Variants in FTO observed in about 807,000 individuals in gnomAD.
FTO encodes FTO alpha-ketoglutarate dependent dioxygenase, also known as alpha-ketoglutarate-dependent dioxygenase FTO.
In FTO, 47 loss-of-function variants were observed where a neutral mutation model predicts 63.9. The observed-to-expected ratio is 0.74, with a 90% confidence interval of 0.58 to 0.94. The LOEUF (loss-of-function observed/expected upper bound fraction) is 0.94. Ranked by LOEUF, FTO falls within the 40% of genes least tolerant of loss-of-function variation. FTO has a pLI of 0.00. For synonymous variants in FTO, 207 were observed against 224.4 expected (o/e 0.92, Z 0.69); for missense variants, 562 against 618.1 (o/e 0.91, Z 0.96).
intron 8 of FTO, among the ~76,000 whole-genome samples, chr16:54,054,037 TTCTG>T (rs1445006876): frequency 6.6e-6 from 1 of 152,074 alleles, no homozygotes; most frequent in Non-Finnish European, 1.5e-5. Flanking sequence ...CTTGAACACT[TTCTG>T]CAGTTTAGTT....
chr16:54,061,607 G>GTGTGTGTT (rs2085576052), intron 8 of FTO: 1 of 84,148 alleles, frequency 1.2e-5, no homozygotes, highest in African/African-American at 1.4e-4. Flanking sequence ...ATGTGTGTTT[G>GTGTGTGTT]TGTGTGTGTG....
At chr16:53,704,137 C>T (rs1407403652), upstream of FTO, 2 of 1,541,008 alleles carry the variant, frequency 1.3e-6, no homozygotes, top group Admixed American at 3.9e-5. Flanking sequence ...GGGTCCAGGG[C>T]GAGGGATCTA....
At chr16:54,096,903 T>G (rs2086527108) in intron 8 of FTO, among the ~76,000 whole-genome samples, 1 of 152,148 alleles carries the variant, frequency 6.6e-6, no homozygotes, top group Non-Finnish European at 1.5e-5. Context: ...GACACAGACA[T>G]TTAGTCCGTA....
chr16:53,915,906 C>T (rs903504214), intron 7 of FTO, among the ~76,000 whole-genome samples: 2 of 152,204 alleles, frequency 1.3e-5, no homozygotes, highest in African/African-American at 4.8e-5. Flanking sequence ...AAGCATAAAA[C>T]TATTCTGGAT....
chr16:53,990,507 G>A (rs937253302), intron 8 of FTO, among the ~76,000 whole-genome samples: 1 of 152,098 alleles, frequency 6.6e-6, no homozygotes, highest in Non-Finnish European at 1.5e-5. Context: ...GTCTTCTGGT[G>A]CTGTTACTTT....
intron 5 of FTO, among the ~76,000 whole-genome samples, chr16:53,878,568 T>C (rs964984861): frequency 6.6e-6 from 1 of 152,218 alleles, no homozygotes; most frequent in African/African-American, 2.4e-5. Flanking sequence ...AGGATTAGCC[T>C]TCAAGGTTAT....
At chr16:54,086,977 C>G (rs755079779) in intron 8 of FTO, among the ~76,000 whole-genome samples, 5 of 152,192 alleles carry the variant, frequency 3.3e-5, no homozygotes, top group African/African-American at 4.8e-5. Context: ...CCATTGCTTT[C>G]TCTTGGACTT....
At chr16:53,911,020 T>C (rs775333293) in intron 7 of FTO, among the ~76,000 whole-genome samples, 4 of 152,186 alleles carry the variant, frequency 2.6e-5, no homozygotes, top group Non-Finnish European at 5.9e-5. Flanking sequence ...GAGCAGCCGG[T>C]ATACCGAACA....
intron 1 of FTO, among the ~76,000 whole-genome samples, chr16:53,747,549 A>G (rs1039635860): frequency 6.6e-6 from 1 of 152,042 alleles, no homozygotes; most frequent in African/African-American, 2.4e-5. Context: ...TTTTTAATGT[A>G]GAGGTATTTG....
intron 8 of FTO, among the ~76,000 whole-genome samples, chr16:54,006,206 C>A (rs1457893041): frequency 1.3e-5 from 2 of 152,144 alleles, no homozygotes; most frequent in African/African-American, 4.8e-5. Flanking sequence ...CAGACTAATG[C>A]AGTTTCAAGA....
At chr16:53,997,207 AG>A (rs1318732435) in intron 8 of FTO, among the ~76,000 whole-genome samples, 1 of 140,256 alleles carries the variant, frequency 7.1e-6, no homozygotes, top group Non-Finnish European at 1.6e-5. Context: ...GAAAGAAAGA[AG>A]GAAGGAAGGA....
At chr16:53,924,910 C>T (rs1280469412) in intron 7 of FTO, among the ~76,000 whole-genome samples, 1 of 152,134 alleles carries the variant, frequency 6.6e-6, no homozygotes, top group Non-Finnish European at 1.5e-5. Context: ...GTGAAGGCAT[C>T]ACTCAGCATT....
At chr16:53,788,170 A>C (rs2077799634) in intron 1 of FTO, among the ~76,000 whole-genome samples, 1 of 152,186 alleles carries the variant, frequency 6.6e-6, no homozygotes, top group East Asian at 1.9e-4. Flanking sequence ...AGGAAATTAT[A>C]ATCTGATGCA....
intron 1 of FTO, among the ~76,000 whole-genome samples, chr16:53,704,682 G>A (rs887001131): frequency 6.6e-6 from 1 of 152,142 alleles, no homozygotes; most frequent in African/African-American, 2.4e-5. Flanking sequence ...GTCTTTTAGC[G>A]CTGTGGATAT....
chr16:54,066,048 G>T (rs2085722332), intron 8 of FTO, among the ~76,000 whole-genome samples: 1 of 152,172 alleles, frequency 6.6e-6, no homozygotes, highest in Admixed American at 6.5e-5. Context: ...TACTTCTCTT[G>T]ATCCTCCTAA....
intron 8 of FTO, among the ~76,000 whole-genome samples, chr16:53,985,460 C>T (rs2083644172): frequency 1.3e-5 from 2 of 152,160 alleles, no homozygotes; most frequent in Non-Finnish European, 1.5e-5. Context: ...GTAGGATGAC[C>T]AGACATGAGA....
intron 4 of FTO, among the ~76,000 whole-genome samples, chr16:53,873,210 G>C (rs190344479): frequency 6.6e-6 from 1 of 152,104 alleles, no homozygotes; most frequent in Non-Finnish European, 1.5e-5. Context: ...TAAAGATAAG[G>C]GTAGAAGTAG....
chr16:54,081,405 T>TA (rs1377116555), intron 8 of FTO, among the ~76,000 whole-genome samples: 1 of 152,186 alleles, frequency 6.6e-6, no homozygotes, highest in African/African-American at 2.4e-5. Context: ...GCCATGCAGG[T>TA]ATTGGCATTA....
chr16:53,713,204 G>A (rs2075816945), intron 1 of FTO, among the ~76,000 whole-genome samples: 1 of 152,134 alleles, frequency 6.6e-6, no homozygotes, highest in Non-Finnish European at 1.5e-5. Flanking sequence ...TGAGAAACAA[G>A]ACTCTTCTGT....
Sources: gnomAD v4.1 joint callset for allele counts (sites outside exome capture counted in the v4.1 genomes callset) on GRCh38, gnomAD v4.1.1 for gene constraint, MANE v1.5 for transcripts, NCBI Gene and HGNC (gene_info 2026-07-23, HGNC 2026-07-21) for gene names.